CASD1: variants seen among roughly 807,000 people sequenced by gnomAD.
CASD1 encodes the protein CAS1 domain sialic acid O acetyltransferase 1, also known as N-acetylneuraminate (7)9-O-acetyltransferase.
Under a neutral mutation model 100.0 loss-of-function variants are expected in CASD1, and 41 were observed. That is an observed-to-expected ratio of 0.41 (90% confidence interval 0.32 to 0.53). The LOEUF is 0.53. CASD1 is among the 20% of genes least tolerant of loss of function. The probability of loss-of-function intolerance (pLI) is 0.25; values close to 1 mark genes in which losing one functional copy is unlikely to be tolerated. For synonymous variants in CASD1, 321 were observed against 315.6 expected (o/e 1.02, Z -0.18); for missense variants, 774 against 948.7 (o/e 0.82, Z 2.42).
intron 16 of CASD1, among the ~76,000 whole-genome samples, chr7:94,553,322 G>A (rs975539458): frequency 1.3e-5 from 2 of 152,032 alleles, no homozygotes; most frequent in Non-Finnish European, 2.9e-5. Context: ...AAGATTAAGT[G>A]CCTTGCCACA....
Position 94,537,650 on chromosome 7 carries a change from A to G in CASD1, c.1022A>G (p.Asn341Ser). The G allele has an allele frequency of 6.2e-7, 1 of 1,613,942 alleles. No individual in the cohort carries two copies. Among genetic ancestry groups the G allele is most frequent in the Non-Finnish European group, 8.5e-7 (1 of 1,179,898 alleles). The change falls in exon 9 of 18, where the codon AAT becomes AGT. Residue 341 changes from asparagine to serine, a missense_variant. Physicochemically the swap from Asn to Ser is conservative, Grantham distance 46. Around this residue, in one of 5 missense-constraint regions of CASD1, gnomAD observed 453 missense variants for 532.6 expected, o/e 0.85. Coordinates refer to ENST00000297273, the MANE Select transcript of CASD1 (RefSeq NM_022900.5). ...ATTCATCGTAATGCTCATCGGAAGA[A>G]TAAGCCGTGTACTGATTTGGAAAGT... Reference protein sequence around the residue: ...YIIHRNAHRKNKPCTDLESGE... With the variant: ...YIIHRNAHRKSKPCTDLESGE...
the CASD1 span, among the ~76,000 whole-genome samples, chr7:94,610,515 G>A: frequency 3.3e-5 from 5 of 151,780 alleles, no homozygotes; most frequent in African/African-American, 7.3e-5. Flanking sequence ...AATAGTATAC[G>A]CACAAAAAAA....
Position 94,545,603 on chromosome 7 carries a change from A to G in CASD1, c.1535A>G (p.Tyr512Cys), listed in dbSNP as rs768788602. ...VVLCIVMDRP[Y>C]QFYYFVPLVT... ...TTATGTATAGTAATGGATCGACCTTATCAATTCTATTACTTTGTCCCCTTG... is the reference window on the plus strand; with the variant it reads ...TTATGTATAGTAATGGATCGACCTTGTCAATTCTATTACTTTGTCCCCTTG... Residue 512 changes from tyrosine to cysteine, a missense_variant, in exon 12 of 18, where the codon TAT (tyrosine) becomes TGT (cysteine). Tyr to Cys is a radical substitution (Grantham distance 194, BLOSUM62 -2). Transcript: ENST00000297273. The G allele has an allele frequency of 6.2e-7, 1 of 1,609,508 alleles. No individual in the cohort carries two copies. Among genetic ancestry groups the G allele is most frequent in the Admixed American group, 1.7e-5 (1 of 59,966 alleles).
At chr7:94,580,454 C>G in the CASD1 span, among the ~76,000 whole-genome samples, 1 of 152,134 alleles carries the variant, frequency 6.6e-6, no homozygotes, top group Non-Finnish European at 1.5e-5. Context: ...TATTCTTCAT[C>G]ATCTTAGCAT....
At chr7:94,544,314 A>G in intron 10 of CASD1, 97 bp from the exon 11 acceptor site, 1 of 1,410,658 alleles carries the variant, frequency 7.1e-7, no homozygotes, top group Non-Finnish European at 9.8e-7. Context: ...GCCAAATGCT[A>G]ATAATCATTT....
chr7:94,598,268 A>G, the CASD1 span: 1 of 178,300 alleles, frequency 5.6e-6, no homozygotes, highest in Non-Finnish European at 1.2e-5. Flanking sequence ...GTTTGCACTA[A>G]TAAAATAGGT....
intron 13 of CASD1, among the ~76,000 whole-genome samples, chr7:94,548,441 T>G (rs1795784070): frequency 1.3e-5 from 2 of 151,606 alleles, no homozygotes; most frequent in Admixed American, 1.3e-4. Context: ...TGCTGATATA[T>G]ATACATATAT....
the CASD1 span, among the ~76,000 whole-genome samples, chr7:94,610,846 T>C: frequency 6.6e-6 from 1 of 152,184 alleles, no homozygotes; most frequent in Non-Finnish European, 1.5e-5. Context: ...AGGATATGAA[T>C]AGACCTATTT....
chr7:94,548,403 G>A (rs1795781874), intron 13 of CASD1, among the ~76,000 whole-genome samples: 2 of 151,210 alleles, frequency 1.3e-5, no homozygotes, highest in Admixed American at 6.6e-5. Flanking sequence ...TATCTGAGAG[G>A]TACATACCTA....
At chr7:94,512,258 A>T (rs902576908) in intron 1 of CASD1, among the ~76,000 whole-genome samples, 14 of 151,906 alleles carry the variant, frequency 9.2e-5, no homozygotes, top group Admixed American at 8.5e-4. Context: ...TGATGAGCTT[A>T]AAAAAAATTG....
chr7:94,631,402 C>T, the CASD1 span, among the ~76,000 whole-genome samples: 1,305 of 151,894 alleles, frequency 8.6e-3, 8 homozygotes, highest in Middle Eastern at 0.021. Flanking sequence ...CAGGAGTTCA[C>T]CATCTGGTAT....
the CASD1 span, among the ~76,000 whole-genome samples, chr7:94,568,044 G>T: frequency 1.3e-5 from 2 of 152,098 alleles, no homozygotes; most frequent in African/African-American, 4.8e-5. Flanking sequence ...AATAAGAATT[G>T]CAAGAAAACC....
intron 13 of CASD1, among the ~76,000 whole-genome samples, chr7:94,547,391 C>T (rs532080398): frequency 6.6e-6 from 1 of 151,902 alleles, no homozygotes; most frequent in African/African-American, 2.4e-5. Flanking sequence ...TAAAGCTCTT[C>T]CTCTGGCAGT....
intron 13 of CASD1, among the ~76,000 whole-genome samples, chr7:94,548,406 C>T (rs2116399570): frequency 6.6e-6 from 1 of 151,612 alleles, no homozygotes; most frequent in South Asian, 2.1e-4. Context: ...CTGAGAGGTA[C>T]ATACCTAGTG....
chr7:94,633,568 A>G, the CASD1 span, among the ~76,000 whole-genome samples: 1 of 152,048 alleles, frequency 6.6e-6, no homozygotes, highest in Non-Finnish European at 1.5e-5. Flanking sequence ...CAACAACTCT[A>G]TATTATGTGA....
the CASD1 span, among the ~76,000 whole-genome samples, chr7:94,573,991 T>A: frequency 6.6e-6 from 1 of 152,214 alleles, no homozygotes; most frequent in African/African-American, 2.4e-5. Flanking sequence ...GATAACCATA[T>A]GGTTTTTGTC....
the CASD1 span, among the ~76,000 whole-genome samples, chr7:94,565,113 A>G: frequency 6.6e-6 from 1 of 151,996 alleles, no homozygotes; most frequent in Non-Finnish European, 1.5e-5. Context: ...ATCTATGTAT[A>G]CTACTCCTTC....
chr7:94,565,602 C>G, the CASD1 span, among the ~76,000 whole-genome samples: 1 of 152,142 alleles, frequency 6.6e-6, no homozygotes, highest in African/African-American at 2.4e-5. Flanking sequence ...AAGGATGCTT[C>G]CCTCCACCAG....
At chr7:94,589,210 A>G in the CASD1 span, 1 of 177,338 alleles carries the variant, frequency 5.6e-6, no homozygotes, top group Non-Finnish European at 1.2e-5. Context: ...CGTGTCAGGA[A>G]TGACACTGGC....
Sources: gnomAD v4.1 joint callset for allele counts (sites outside exome capture counted in the v4.1 genomes callset) on GRCh38, gnomAD v4.1.1 for gene constraint, gnomAD v4.1.1 regional missense constraint, MANE v1.5 for transcripts, NCBI Gene and HGNC (gene_info 2026-07-23, HGNC 2026-07-21) for gene names.